The following BLOC1S6 variants were observed in gnomAD, a reference collection of about 807,000 sequenced individuals.
BLOC1S6 encodes the protein biogenesis of lysosomal organelles complex 1 subunit 6, also known as biogenesis of lysosome-related organelles complex 1 subunit 6.
In BLOC1S6, 24 loss-of-function variants were observed where a neutral mutation model predicts 24.7. The observed-to-expected ratio is 0.97, with a 90% CI of 0.70 to 1.37. BLOC1S6 has a LOEUF of 1.37. Ranked by LOEUF, BLOC1S6 falls within the 40% of genes most tolerant of loss-of-function variation. BLOC1S6 has a pLI of 0.00. For missense variants in BLOC1S6, 175 were observed against 196.2 expected (o/e 0.89, Z 0.64); for synonymous variants, 76 against 72.6 (o/e 1.05, Z -0.23).
intron 4 of BLOC1S6, 73 bp downstream of exon 4, chr15:45,605,587 T>C (rs1475405316): frequency 5.0e-6 from 6 of 1,194,526 alleles, no homozygotes; most frequent in African/African-American, 1.6e-5. Flanking sequence ...TTTTTTTTTT[T>C]CAGTATTCTT....
chr15:45,591,357 G>GA (rs11444023), intron 1 of BLOC1S6, among the ~76,000 whole-genome samples: 2,327 of 152,210 alleles, frequency 0.015, 43 homozygotes, highest in African/African-American at 0.054. Flanking sequence ...TCATGCTTTT[G>GA]AAAGCAAGAA....
At chr15:45,603,428 G>C (rs1894338145) in intron 3 of BLOC1S6, among the ~76,000 whole-genome samples, 1 of 152,190 alleles carries the variant, frequency 6.6e-6, no homozygotes, top group Non-Finnish European at 1.5e-5. Context: ...AGAGAACTTA[G>C]ACTTGGCATA....
intron 1 of BLOC1S6, among the ~76,000 whole-genome samples, chr15:45,590,300 T>C (rs1014883747): frequency 1.3e-5 from 2 of 152,226 alleles, no homozygotes; most frequent in Non-Finnish European, 2.9e-5. Context: ...CTTTGAGAAG[T>C]CCAAAGTTTG....
chr15:45,591,730 T>A (rs1566899336), intron 1 of BLOC1S6, among the ~76,000 whole-genome samples: 1 of 152,256 alleles, frequency 6.6e-6, no homozygotes, highest in East Asian at 1.9e-4. Context: ...CTGAAAAATA[T>A]ATAAAGATAC....
intron 2 of BLOC1S6, among the ~76,000 whole-genome samples, chr15:45,602,698 C>CTAATTTTT (rs1894312258): frequency 6.6e-6 from 1 of 152,174 alleles, no homozygotes; most frequent in South Asian, 2.1e-4. Context: ...TCTTCCTCAC[C>CTAATTTTT]TCTAATCTGA....
chr15:45,589,491 C>T (rs951943444), intron 1 of BLOC1S6, among the ~76,000 whole-genome samples: 9 of 152,250 alleles, frequency 5.9e-5, no homozygotes, highest in Admixed American at 5.9e-4. Flanking sequence ...TCAGTGTCCA[C>T]ACTTCCTTTA....
At chr15:45,589,617 G>T (rs921891585) in intron 1 of BLOC1S6, among the ~76,000 whole-genome samples, 9 of 152,050 alleles carry the variant, frequency 5.9e-5, no homozygotes, top group African/African-American at 1.9e-4. Context: ...TGCTCGTATT[G>T]TGCCCTTCCA....
rs761132701 is a variant in BLOC1S6, at chr15:45,592,262, C to T, written c.210C>T (p.Ala70=). The T allele has an allele frequency of 6.2e-6, 10 of 1,613,814 alleles. No individual in the cohort carries two copies. Among genetic ancestry groups the T allele is most frequent in the South Asian group, 1.1e-5 (1 of 91,080 alleles). Residue 70 remains alanine, a synonymous_variant, in exon 2 of 5, where the codon GCC becomes GCT. Transcript: ENST00000220531. Reference sequence around the variant, plus strand: ...CAGATCTGCAGAGATCAAAACAAGCCCTCCAGGAACTCACGTAAGCTAATA... The same window carrying T: ...CAGATCTGCAGAGATCAAAACAAGCTCTCCAGGAACTCACGTAAGCTAATA... ...YLPDLQRSKQ[A]LQELTQNQVV...
Position 45,592,054 on chromosome 15 carries a change from C to T in BLOC1S6, c.83-81C>T. ...AGTTACAGATTTCTTTGTTCCTTCT[C>T]TAATCCCACTGCTTCAGTTGACCAG... On this transcript the variant is annotated intron_variant, in intron 1 of 4. Transcript: ENST00000220531. 3.3e-6 allele frequency: 5 copies of T among 1,505,944 alleles called. No homozygotes were observed. The South Asian group carries it at 5.9e-5, about 18-fold the overall frequency. 93.3% of individuals were successfully genotyped at this position (1,505,944 alleles called of 1,614,324 possible).
At chr15:45,596,193 A>G (rs574051411) in intron 2 of BLOC1S6, among the ~76,000 whole-genome samples, 84 of 151,012 alleles carry the variant, frequency 5.6e-4, no homozygotes, top group African/African-American at 2.0e-3. Flanking sequence ...CTTCAGCACC[A>G]TTTATTGTTG....
At chr15:45,597,034 T>A (rs544842530) in intron 2 of BLOC1S6, among the ~76,000 whole-genome samples, 2 of 152,342 alleles carry the variant, frequency 1.3e-5, no homozygotes, top group Admixed American at 6.5e-5. Flanking sequence ...TCCAATTTTG[T>A]TCTTCAATGT....
At chr15:45,587,879 G>T in intron 1 of BLOC1S6, 1 of 653,258 alleles carries the variant, frequency 1.5e-6, no homozygotes, top group South Asian at 1.7e-5. Flanking sequence ...TCAGAGAGGT[G>T]ACGTATCCTA....
intron 2 of BLOC1S6, among the ~76,000 whole-genome samples, chr15:45,593,387 A>C (rs1408336449): frequency 1.1e-5 from 1 of 93,002 alleles, no homozygotes; most frequent in African/African-American, 7.5e-5. Flanking sequence ...TCTGTCTCCG[A>C]AAAAAAAAAA....
rs765107661 is a variant in BLOC1S6, at chr15:45,605,419, C to T, written c.313-9C>T. 5.0e-6 allele frequency: 8 copies of T among 1,594,052 alleles called. No individual in the cohort carries two copies. Among genetic ancestry groups the T allele is most frequent in the Admixed American group, 5.0e-5 (3 of 59,784 alleles). The stretch of plus-strand genomic sequence containing the variant: ...TAACTTGACTTTTCATTTATTTTTC[C>T]ATGTTAAGTTTGCTGAGGCTAAACA... On this transcript the variant is annotated splice_polypyrimidine_tract_variant and intron_variant, in intron 3 of 4. Coordinates refer to ENST00000220531, the MANE Select transcript of BLOC1S6 (RefSeq NM_012388.4).
rs1374284164 is a variant in BLOC1S6 at position 45,607,243 on chromosome 15, G to A, written c.*729G>A. 6.6e-6 allele frequency: 1 copy of A among 152,252 alleles called. No homozygotes were observed. Among genetic ancestry groups the A allele is most frequent in the Non-Finnish European group, 1.5e-5 (1 of 68,074 alleles). The allele number at this position is 152,252 out of a possible 1,614,324, so 9.4% of individuals were successfully genotyped here. On this transcript the variant is annotated 3_prime_UTR_variant, in exon 5 of 5. Coordinates refer to ENST00000220531, the MANE Select transcript of BLOC1S6 (RefSeq NM_012388.4). ...GGGAAATAACAGCACTTTAGGTGTA[G>A]TTCAGGTGAGCAAGATGCCAGATAG... is the stretch of plus-strand genomic sequence containing the variant.
At chr15:45,589,684 G>C (rs552545500) in intron 1 of BLOC1S6, among the ~76,000 whole-genome samples, 1 of 152,272 alleles carries the variant, frequency 6.6e-6, no homozygotes, top group African/African-American at 2.4e-5. Flanking sequence ...ACATAATATA[G>C]ATGTTCAGCA....
At chr15:45,596,896 G>C (rs1006029723) in intron 2 of BLOC1S6, among the ~76,000 whole-genome samples, 2 of 151,806 alleles carry the variant, frequency 1.3e-5, no homozygotes. Flanking sequence ...GGCTGATCTT[G>C]AACTTCTGAC....
chr15:45,609,065 ATATATAT>A lies in BLOC1S6; in HGVS notation c.*2554_*2560del, dbSNP rs1432607556. The A allele has an allele frequency of 1.3e-5, 2 of 152,220 alleles. No homozygotes were observed. The highest frequency in any genetic ancestry group is 2.9e-5 in the Non-Finnish European group (2 of 68,046). 9.4% of individuals were successfully genotyped at this position (152,220 alleles called of 1,614,324 possible). On this transcript the variant is annotated 3_prime_UTR_variant, in exon 5 of 5. Transcript: ENST00000220531. ...AGATTTAAAAAAAATGTGAAAATAA[ATATATAT>A]TAGTATCCTTTATTTTAAAGTCAAT...
At chr15:45,596,854 T>C (rs1002084833) in intron 2 of BLOC1S6, among the ~76,000 whole-genome samples, 2 of 152,104 alleles carry the variant, frequency 1.3e-5, no homozygotes, top group African/African-American at 4.8e-5. Context: ...TTTTGTATTT[T>C]TTATAGAGAT....
Sources: allele counts gnomAD v4.1 joint callset (sites outside exome capture counted in the v4.1 genomes callset), GRCh38; gene constraint gnomAD v4.1.1; transcripts MANE v1.5; gene names NCBI Gene and HGNC (gene_info 2026-07-23, HGNC 2026-07-21).